ZMAT4: variants seen among roughly 807,000 people sequenced by gnomAD.
The protein encoded by ZMAT4 is zinc finger matrin-type 4.
A neutral mutation model predicts 28.7 loss-of-function variants in ZMAT4; 17 were observed. The observed-to-expected ratio is 0.59, with a 90% CI of 0.41 to 0.89. The LOEUF (loss-of-function observed/expected upper bound fraction) is 0.89, where lower values mean the gene tolerates loss of function less well. Ranked by LOEUF, ZMAT4 falls within the 40% of genes least tolerant of loss-of-function variation. The pLI is 0.00. For synonymous variants in ZMAT4, 117 were observed against 109.2 expected, an observed-to-expected ratio of 1.07 and a Z score of -0.44; for missense variants, 240 against 283.8, an observed-to-expected ratio of 0.85 and a Z score of 1.11.
At chr8:40,570,023 T>G (rs750132118) in intron 6 of ZMAT4, among the ~76,000 whole-genome samples, 15 of 152,126 alleles carry the variant, frequency 9.9e-5, no homozygotes, top group Non-Finnish European at 2.2e-4. Flanking sequence ...TAAAACTCAG[T>G]GAGGGAACTT....
chr8:40,785,448 A>C lies in ZMAT4; in HGVS notation c.103-17718T>G, dbSNP rs1814033118. ...ACAATGTACTGTAGGTGTCCAAAAAACGCTCCTTGGTTTGAAATGATTACC... is the reference window on the plus strand; with the variant it reads ...ACAATGTACTGTAGGTGTCCAAAAACCGCTCCTTGGTTTGAAATGATTACC... On this transcript the variant is annotated intron_variant, in intron 2 of 6. Coordinates refer to ENST00000297737, the MANE Select transcript of ZMAT4 (RefSeq NM_024645.3). Among the ~76,000 whole-genome samples, 8 of 152,152 alleles carry C rather than the reference A, an allele frequency of 5.3e-5. No homozygotes were observed. In the South Asian group the frequency reaches 1.7e-3, roughly 31 times the overall value.
At chr8:40,541,569 G>T (rs1333435813) in intron 6 of ZMAT4, among the ~76,000 whole-genome samples, 1 of 152,154 alleles carries the variant, frequency 6.6e-6, no homozygotes, top group African/African-American at 2.4e-5. Context: ...TCTGGCCAGT[G>T]GCTACTGTGT....
intron 5 of ZMAT4, among the ~76,000 whole-genome samples, chr8:40,614,633 G>T (rs1019349382): frequency 2.0e-5 from 3 of 152,132 alleles, no homozygotes; most frequent in Non-Finnish European, 4.4e-5. Context: ...TATATATTTA[G>T]GATAGTTAGC....
At chr8:40,738,775 C>T (rs993314349) in intron 3 of ZMAT4, among the ~76,000 whole-genome samples, 2 of 152,140 alleles carry the variant, frequency 1.3e-5, no homozygotes, top group Non-Finnish European at 2.9e-5. Flanking sequence ...CTGTTAGACA[C>T]TGGCACAAGC....
chr8:40,825,466 G>T, intron 2 of ZMAT4, 109 bp downstream of exon 2: 1 of 881,996 alleles, frequency 1.1e-6, no homozygotes, highest in Non-Finnish European at 1.8e-6. Context: ...AAGTCCTGTG[G>T]TTCTTCAAAT....
At chr8:40,589,800 T>TTC (rs765193324) in intron 5 of ZMAT4, among the ~76,000 whole-genome samples, 32,507 of 127,774 alleles carry the variant, frequency 0.25, 4,236 homozygotes, top group Non-Finnish European at 0.32. Flanking sequence ...TTCTTTTTCT[T>TTC]TGTCTTTCCT....
chr8:40,539,069 C>T (rs1245624089), intron 6 of ZMAT4, among the ~76,000 whole-genome samples: 8 of 152,206 alleles, frequency 5.3e-5, no homozygotes, highest in African/African-American at 1.7e-4. Flanking sequence ...CAGGGATGAG[C>T]CACCACAACC....
intron 1 of ZMAT4, among the ~76,000 whole-genome samples, chr8:40,830,772 C>T (rs931749631): frequency 1.1e-4 from 17 of 152,152 alleles, no homozygotes; most frequent in Non-Finnish European, 1.0e-4. Flanking sequence ...GCCCAAAACC[C>T]ATGCAGGGCT....
intron 3 of ZMAT4, among the ~76,000 whole-genome samples, chr8:40,715,039 C>A: frequency 7.0e-5 from 2 of 28,554 alleles, no homozygotes; most frequent in African/African-American, 2.2e-4. Flanking sequence ...CAGAGGGAGA[C>A]TCTGTCTCAA....
At chr8:40,571,379 G>T (rs187089295) in intron 6 of ZMAT4, among the ~76,000 whole-genome samples, 1 of 151,994 alleles carries the variant, frequency 6.6e-6, no homozygotes, top group Non-Finnish European at 1.5e-5. Flanking sequence ...AGTCTTTTTC[G>T]GCATCTCTGA....
At chr8:40,817,463 G>C (rs1050398566) in intron 2 of ZMAT4, among the ~76,000 whole-genome samples, 2 of 152,188 alleles carry the variant, frequency 1.3e-5, no homozygotes, top group Non-Finnish European at 2.9e-5. Flanking sequence ...TCCTGCAGAG[G>C]AAGATCAGAT....
intron 5 of ZMAT4, among the ~76,000 whole-genome samples, chr8:40,652,912 A>G (rs1202698876): frequency 2.3e-5 from 3 of 132,688 alleles, no homozygotes; most frequent in Middle Eastern, 4.4e-3. Flanking sequence ...GAAGGGGAAT[A>G]TCACACTCTG....
intron 3 of ZMAT4, among the ~76,000 whole-genome samples, chr8:40,714,058 T>G (rs1434049348): frequency 2.0e-5 from 3 of 152,112 alleles, no homozygotes; most frequent in African/African-American, 7.2e-5. Flanking sequence ...TGAGTTACCA[T>G]TTTTTACTCA....
chr8:40,823,850 C>T (rs1225744873), intron 2 of ZMAT4, among the ~76,000 whole-genome samples: 2 of 152,128 alleles, frequency 1.3e-5, no homozygotes, highest in African/African-American at 2.4e-5. Flanking sequence ...AATGACTATA[C>T]GAATTTTTTC....
intron 2 of ZMAT4, among the ~76,000 whole-genome samples, chr8:40,782,550 T>C (rs1813883272): frequency 6.6e-6 from 1 of 152,058 alleles, no homozygotes; most frequent in Non-Finnish European, 1.5e-5. Context: ...GACAAATATC[T>C]CAATTAAAAT....
rs568959241 is a variant in ZMAT4 at position 40,815,890 on chromosome 8, TCA to T, written c.102+9683_102+9684del. Among the ~76,000 whole-genome samples the T allele has an allele frequency of 4.4e-4, 67 of 152,332 alleles. 1 individual carries two copies. In the South Asian group the frequency reaches 0.014, roughly 31 times the overall value. On this transcript the variant is annotated intron_variant, in intron 2 of 6. Coordinates refer to ENST00000297737, the MANE Select transcript of ZMAT4 (RefSeq NM_024645.3). Reference sequence around the variant, plus strand: ...CACTGTAATAAAATGGGCATCAGCTTCACGGCAGCTCCCAAACACTCGGTTTC... The same window carrying T: ...CACTGTAATAAAATGGGCATCAGCTTCGGCAGCTCCCAAACACTCGGTTTC...
At chr8:40,789,738 A>G (rs1814244652) in intron 2 of ZMAT4, among the ~76,000 whole-genome samples, 1 of 152,166 alleles carries the variant, frequency 6.6e-6, no homozygotes, top group African/African-American at 2.4e-5. Context: ...TAGTACTCTG[A>G]CCCACAAACT....
intron 2 of ZMAT4, among the ~76,000 whole-genome samples, chr8:40,810,833 G>C (rs1308708115): frequency 6.6e-6 from 1 of 151,894 alleles, no homozygotes; most frequent in East Asian, 1.9e-4. Flanking sequence ...GAAATAAAAA[G>C]AATACAAGTA....
intron 3 of ZMAT4, among the ~76,000 whole-genome samples, chr8:40,763,694 C>T (rs1406172257): frequency 6.6e-6 from 1 of 152,108 alleles, no homozygotes; most frequent in Non-Finnish European, 1.5e-5. Flanking sequence ...TTATTTTCAC[C>T]TTTGTAATAA....
Sources: gnomAD v4.1 joint callset for allele counts (sites outside exome capture counted in the v4.1 genomes callset) on GRCh38, gnomAD v4.1.1 for gene constraint, MANE v1.5 for transcripts, NCBI Gene and HGNC (gene_info 2026-07-23, HGNC 2026-07-21) for gene names.